MTCL3: variants seen among roughly 807,000 people sequenced by gnomAD.
MTCL3 encodes microtubule cross-linking factor 3.
the MTCL3 span, chr6:127,516,217 G>T: frequency 7.0e-7 from 1 of 1,435,350 alleles, no homozygotes. Flanking sequence ...GCCCAAAGCG[G>T]CCAGGGTCGC....
the MTCL3 span, chr6:127,518,759 A>G: frequency 6.6e-6 from 1 of 152,160 alleles, no homozygotes; most frequent in Admixed American, 6.5e-5. Context: ...GCAGTTCCAC[A>G]CCCACTCGAT....
chr6:127,479,101 T>C, the MTCL3 span, among the ~76,000 whole-genome samples: 1 of 151,188 alleles, frequency 6.6e-6, no homozygotes, highest in Non-Finnish European at 1.5e-5. Flanking sequence ...TAAGGTCATG[T>C]AGGCCAATAA....
chr6:127,516,111 T>G, the MTCL3 span: 1 of 1,418,260 alleles, frequency 7.1e-7, no homozygotes, highest in Non-Finnish European at 9.2e-7. Flanking sequence ...CCCCGCCCCC[T>G]CCTCCCCCTT....
chr6:127,516,058 C>T, the MTCL3 span: 6 of 1,533,782 alleles, frequency 3.9e-6, no homozygotes, highest in South Asian at 5.9e-5. Context: ...CTGCGGAGCG[C>T]CCCCCTCCCT....
At chr6:127,508,548 C>T in the MTCL3 span, among the ~76,000 whole-genome samples, 2 of 152,110 alleles carry the variant, frequency 1.3e-5, no homozygotes, top group African/African-American at 4.8e-5. Flanking sequence ...CAGTTAAGAA[C>T]CCTCTGGAGC....
At chr6:127,491,207 T>C in the MTCL3 span, among the ~76,000 whole-genome samples, 19 of 152,252 alleles carry the variant, frequency 1.2e-4, 1 homozygote, top group Non-Finnish European at 7.3e-5. Flanking sequence ...TGCAAGAATT[T>C]ATTCCAATAT....
the MTCL3 span, among the ~76,000 whole-genome samples, chr6:127,517,214 G>T: frequency 1.3e-5 from 2 of 152,164 alleles, no homozygotes; most frequent in Non-Finnish European, 2.9e-5. Context: ...GGTTCCTAGA[G>T]AATATTTTCT....
At chr6:127,508,468 T>C in the MTCL3 span, among the ~76,000 whole-genome samples, 8 of 152,198 alleles carry the variant, frequency 5.3e-5, no homozygotes, top group African/African-American at 1.9e-4. Flanking sequence ...TTCATTGTAA[T>C]AGATAAGATC....
chr6:127,492,259 T>C, the MTCL3 span, among the ~76,000 whole-genome samples: 1 of 152,168 alleles, frequency 6.6e-6, no homozygotes, highest in South Asian at 2.1e-4. Context: ...CACAAAGTTT[T>C]GGGATGGTTT....
chr6:127,516,266 C>A, the MTCL3 span: 56 of 1,482,290 alleles, frequency 3.8e-5, no homozygotes, highest in African/African-American at 7.7e-4. Flanking sequence ...GGCTGGACAG[C>A]TCCCGGAGCG....
the MTCL3 span, among the ~76,000 whole-genome samples, chr6:127,499,254 C>A: frequency 2.0e-5 from 3 of 152,020 alleles, no homozygotes; most frequent in Non-Finnish European, 4.4e-5. Flanking sequence ...AAGGTCATAA[C>A]GGGAGATGAA....
At chr6:127,475,726 C>T in the MTCL3 span, 5 of 1,590,078 alleles carry the variant, frequency 3.1e-6, no homozygotes, top group Non-Finnish European at 4.3e-6. This position sits in a 1 kb window ranked among gnomAD's most constrained non-coding sequence, Gnocchi z 7.3. Context: ...GTGCGGAGGC[C>T]GCGAGTCGTC....
chr6:127,478,508 G>A, the MTCL3 span, among the ~76,000 whole-genome samples: 1 of 152,312 alleles, frequency 6.6e-6, no homozygotes, highest in Admixed American at 6.5e-5. Context: ...AAGGTTTTAA[G>A]AATGCTGTCT....
chr6:127,486,172 T>C, the MTCL3 span, among the ~76,000 whole-genome samples: 1 of 152,212 alleles, frequency 6.6e-6, no homozygotes, highest in Non-Finnish European at 1.5e-5. Context: ...CATTCTTTCC[T>C]AAGAGGCATT....
the MTCL3 span, among the ~76,000 whole-genome samples, chr6:127,492,119 C>A: frequency 1.6e-4 from 25 of 152,110 alleles, no homozygotes; most frequent in African/African-American, 5.6e-4. Context: ...CTCCTATTGC[C>A]CTAGTGAACA....
chr6:127,515,615 C>A, the MTCL3 span: 1 of 1,418,174 alleles, frequency 7.1e-7, no homozygotes. The surrounding 1 kb of genome is among the most constrained non-coding windows in gnomAD (Gnocchi z 4.3). Context: ...GGGGGCGCTG[C>A]CGCCTGCATG....
the MTCL3 span, among the ~76,000 whole-genome samples, chr6:127,513,762 G>A: frequency 1.3e-5 from 2 of 152,124 alleles, no homozygotes; most frequent in Non-Finnish European, 2.9e-5. Flanking sequence ...CCTATTAGCT[G>A]TTTTCCAGGC....
the MTCL3 span, among the ~76,000 whole-genome samples, chr6:127,518,022 T>C: frequency 6.6e-6 from 1 of 152,236 alleles, no homozygotes; most frequent in African/African-American, 2.4e-5. Flanking sequence ...TTCCTCATTT[T>C]ATAAAGAAAT....
the MTCL3 span, among the ~76,000 whole-genome samples, chr6:127,503,979 T>C: frequency 6.6e-6 from 1 of 152,210 alleles, no homozygotes; most frequent in African/African-American, 2.4e-5. Flanking sequence ...GTTTTGGTTG[T>C]TGTGGACACA....
Sources: gnomAD v4.1 joint callset for allele counts (sites outside exome capture counted in the v4.1 genomes callset) on GRCh38, gnomAD v4.1.1 for gene constraint, Gnocchi (gnomAD v3.1) non-coding constraint, MANE v1.5 for transcripts, NCBI Gene and HGNC (gene_info 2026-07-23, HGNC 2026-07-21) for gene names.